The following ATP10B variants were observed in gnomAD, a reference collection of about 807,000 sequenced individuals.
ATP10B encodes phospholipid-transporting ATPase VB.
In ATP10B, 122 loss-of-function variants were observed where a neutral mutation model predicts 141.2. The ratio of observed to expected loss-of-function variants is 0.86; its 90% CI spans 0.75 to 1.00. The LOEUF is 1.00. ATP10B is among the 50% of genes least tolerant of loss of function. The pLI is 0.00. For synonymous variants in ATP10B, 685 were observed against 692.0 expected, an observed-to-expected ratio of 0.99 and a Z score of 0.16; for missense variants, 1,876 against 1,825.3, an observed-to-expected ratio of 1.03 and a Z score of -0.51.
chr5:160,686,003 A>T, intron 6 of ATP10B, 76 bp downstream of exon 6: 1 of 1,117,746 alleles, frequency 8.9e-7, no homozygotes, highest in East Asian at 2.6e-5. Context: ...CGAAGAAAAG[A>T]GACTCATCCT....
At chr5:160,744,781 A>T (rs1194418291) in intron 2 of ATP10B, among the ~76,000 whole-genome samples, 1 of 151,868 alleles carries the variant, frequency 6.6e-6, no homozygotes, top group African/African-American at 2.4e-5. Context: ...GACAATTTAC[A>T]TATGTTAAGT....
the ATP10B span, among the ~76,000 whole-genome samples, chr5:160,918,675 A>G: frequency 6.6e-6 from 1 of 152,162 alleles, no homozygotes; most frequent in East Asian, 1.9e-4. Context: ...TGGAAAAGTG[A>G]AGAGAGAGGT....
At chr5:160,659,663 TGGA>T (rs1241161169) in intron 7 of ATP10B, among the ~76,000 whole-genome samples, 1 of 151,898 alleles carries the variant, frequency 6.6e-6, no homozygotes, top group East Asian at 1.9e-4. Context: ...AGTAGAAGAC[TGGA>T]GGAGATCACC....
intron 2 of ATP10B, among the ~76,000 whole-genome samples, chr5:160,770,198 TTC>T (rs140851194): frequency 3.3e-5 from 5 of 151,116 alleles, no homozygotes; most frequent in Non-Finnish European, 5.9e-5. Flanking sequence ...ATCCTCTCTC[TTC>T]TCTCTCTCTC....
chr5:160,620,988 A>G (rs776939672), intron 14 of ATP10B, 38 bp from the exon 15 acceptor site: 7 of 1,565,794 alleles, frequency 4.5e-6, no homozygotes, highest in Non-Finnish European at 5.2e-6. Flanking sequence ...ATTACTCTCA[A>G]TGTTGGAAAT....
chr5:160,815,183 C>T (rs530873528), intron 1 of ATP10B, among the ~76,000 whole-genome samples: 38 of 152,274 alleles, frequency 2.5e-4, no homozygotes, highest in Middle Eastern at 3.4e-3. Flanking sequence ...TTAAAAGACA[C>T]AGACTGGCAA....
At chr5:160,818,282 T>A (rs921470297) in intron 1 of ATP10B, among the ~76,000 whole-genome samples, 9 of 152,124 alleles carry the variant, frequency 5.9e-5, no homozygotes, top group Non-Finnish European at 1.2e-4. Flanking sequence ...GAATCTACAA[T>A]GAACTCAAAC....
the ATP10B span, among the ~76,000 whole-genome samples, chr5:160,928,039 C>T: frequency 6.6e-6 from 1 of 152,118 alleles, no homozygotes; most frequent in Middle Eastern, 3.2e-3. Flanking sequence ...GGGCTGCTGG[C>T]TCACTATAGG....
In ATP10B at chr5:160,717,028, G is replaced by C; in HGVS notation, c.-324C>G. 1 of 985,366 alleles carries C rather than the reference G, an allele frequency of 1.0e-6. No individual in the cohort carries two copies. The highest frequency in any genetic ancestry group is 1.7e-5 in the African/African-American group (1 of 57,350). 61.0% of individuals were successfully genotyped at this position (985,366 alleles called of 1,614,324 possible). On this transcript the variant is annotated 5_prime_UTR_variant, in exon 3 of 26. Transcript: ENST00000327245. The stretch of plus-strand genomic sequence containing the variant: ...GGCAAATTGTTGATCAGAATAAATT[G>C]CAAGTTCTGTAAGCAAGAAAAGAAA...
intron 1 of ATP10B, among the ~76,000 whole-genome samples, chr5:160,786,834 C>T (rs1265182844): frequency 1.3e-5 from 2 of 152,146 alleles, no homozygotes; most frequent in African/African-American, 4.8e-5. Context: ...AGGGTCTGTC[C>T]AAGATGCAGC....
intron 6 of ATP10B, among the ~76,000 whole-genome samples, chr5:160,675,978 G>C (rs190138612): frequency 4.6e-5 from 7 of 152,272 alleles, no homozygotes; most frequent in Admixed American, 4.6e-4. Context: ...GGAGAGCTGA[G>C]GATTAGGGTG....
chr5:160,742,092 C>G (rs1767518823), intron 2 of ATP10B, among the ~76,000 whole-genome samples: 1 of 152,250 alleles, frequency 6.6e-6, no homozygotes, highest in African/African-American at 2.4e-5. Context: ...AACTGACAAC[C>G]TCTCTGACTC....
intron 2 of ATP10B, among the ~76,000 whole-genome samples, chr5:160,735,002 C>G (rs538524916): frequency 8.2e-4 from 119 of 144,880 alleles, no homozygotes; most frequent in African/African-American, 3.0e-3. Flanking sequence ...AATGGATACA[C>G]AAAAAATGAA....
rs1436594746 is a variant in ATP10B, at chr5:160,593,043, G to A, written c.3565-1904C>T. Among the ~76,000 whole-genome samples, 3 of 152,246 alleles carry A rather than the reference G, an allele frequency of 2.0e-5. No homozygotes were observed. The East Asian group carries it at 5.8e-4, about 29-fold the overall frequency. On this transcript the variant is annotated intron_variant, in intron 22 of 25. Coordinates refer to ENST00000327245, the MANE Select transcript of ATP10B (RefSeq NM_025153.3). The stretch of plus-strand genomic sequence containing the variant: ...TCTGCAGACTTAAATGTCCCTGTCT[G>A]ACAGCTTTGAAGAGAGCAGTGGTTC...
chr5:160,928,717 C>G, the ATP10B span, among the ~76,000 whole-genome samples: 1 of 152,274 alleles, frequency 6.6e-6, no homozygotes, highest in Non-Finnish European at 1.5e-5. Flanking sequence ...AATCCCAACT[C>G]TCTCCCTCTC....
chr5:160,665,328 G>A (rs555404438), intron 7 of ATP10B, among the ~76,000 whole-genome samples: 1 of 152,320 alleles, frequency 6.6e-6, no homozygotes, highest in East Asian at 1.9e-4. Context: ...AACTGCTTAA[G>A]CCATGAGGAT....
At chr5:160,668,683 T>C (rs1208738383) in intron 7 of ATP10B, among the ~76,000 whole-genome samples, 3 of 152,200 alleles carry the variant, frequency 2.0e-5, no homozygotes, top group African/African-American at 7.2e-5. Flanking sequence ...CCATTTCCAG[T>C]GGTGGCAACT....
At chr5:160,849,771 C>T (rs112133531) in intron 1 of ATP10B, among the ~76,000 whole-genome samples, 16 of 152,102 alleles carry the variant, frequency 1.1e-4, no homozygotes, top group African/African-American at 3.9e-4. Flanking sequence ...AATACCCACT[C>T]CTATTCTGAC....
chr5:160,622,419 GA>G lies in ATP10B; in HGVS notation c.1786del (p.Ser596ProfsTer33), dbSNP rs1758398627. 1 of 1,613,566 alleles carries G rather than the reference GA, an allele frequency of 6.2e-7. No homozygotes were observed. Among genetic ancestry groups the G allele is most frequent in the Non-Finnish European group, 8.5e-7 (1 of 1,179,914 alleles). On this transcript the variant is annotated frameshift_variant, in exon 14 of 26. Transcript: ENST00000327245. LOFTEE classifies it high-confidence loss of function. The stretch of plus-strand genomic sequence containing the variant: ...CCTCTGCCTGGGCTCGGTGGTTGTG[GA>G]CACCATGACAGAGTTGCAGATGGTT... ...ALTICNSVMV[S>X]TTTEPRQRVT... is the part of the protein sequence containing the mutation.
Sources: allele counts gnomAD v4.1 joint callset (sites outside exome capture counted in the v4.1 genomes callset), GRCh38; gene constraint gnomAD v4.1.1; transcripts MANE v1.5; gene names NCBI Gene and HGNC (gene_info 2026-07-23, HGNC 2026-07-21).